Variants in CHRM3 observed in about 807,000 individuals in gnomAD.
The protein encoded by CHRM3 is cholinergic receptor muscarinic 3.
In CHRM3, 11 loss-of-function variants were observed where a neutral mutation model predicts 41.8. The ratio of observed to expected loss-of-function variants is 0.26; its 90% CI spans 0.17 to 0.44. CHRM3 has a LOEUF of 0.44. Among genes scored for constraint, CHRM3 ranks in the 20% least tolerant of loss-of-function variants. The probability of loss-of-function intolerance (pLI) is 1.00; values close to 1 mark genes in which losing one functional copy is unlikely to be tolerated. For missense variants in CHRM3, 571 were observed against 745.4 expected (o/e 0.77, Z 2.72); for synonymous variants, 297 against 301.4 (o/e 0.99, Z 0.15).
intron 5 of CHRM3, among the ~76,000 whole-genome samples, chr1:239,692,167 C>A (rs74150633): frequency 0.063 from 9,547 of 152,160 alleles, 1,012 homozygotes; most frequent in African/African-American, 0.22. Context: ...CTGGGAGATA[C>A]ATTTAGGCAT....
chr1:239,726,618 A>G (rs1048210421), intron 5 of CHRM3, among the ~76,000 whole-genome samples: 10 of 151,946 alleles, frequency 6.6e-5, no homozygotes, highest in African/African-American at 2.4e-4. Context: ...ATTCTCTATA[A>G]GATGCATGGT....
chr1:239,514,551 C>A (rs1669137097), intron 2 of CHRM3, among the ~76,000 whole-genome samples: 1 of 150,356 alleles, frequency 6.7e-6, no homozygotes, highest in South Asian at 2.1e-4. Flanking sequence ...GAAAGTCATG[C>A]CATCTACACA....
chr1:239,601,410 A>G (rs1409581274), intron 3 of CHRM3, among the ~76,000 whole-genome samples: 10 of 152,222 alleles, frequency 6.6e-5, no homozygotes, highest in African/African-American at 1.9e-4. Flanking sequence ...GGAAATGTCA[A>G]TATGCATGAA....
At chr1:239,756,268 A>G (rs386425586) in intron 5 of CHRM3, among the ~76,000 whole-genome samples, 306 of 152,340 alleles carry the variant, frequency 2.0e-3, no homozygotes, top group Non-Finnish European at 3.9e-3. Flanking sequence ...AACACTCATT[A>G]CAGTGATGAA....
At chr1:239,534,355 A>C (rs1464416191) in intron 2 of CHRM3, among the ~76,000 whole-genome samples, 1 of 152,194 alleles carries the variant, frequency 6.6e-6, no homozygotes, top group Non-Finnish European at 1.5e-5. Flanking sequence ...GAACGTGCAT[A>C]CTGATTTGCA....
rs1669626630 is a variant in CHRM3 at position 239,630,010 on chromosome 1, A to G, written c.-312-2214A>G. ...ATGTTACATGCAATTAATTTTCAAT[A>G]GAATGAATCTGCAGCTAGGATGAAA... On this transcript the variant is annotated intron_variant, in intron 3 of 6. Transcript: ENST00000676153. 3.3e-5 allele frequency among the ~76,000 whole-genome samples: 5 copies of G among 152,208 alleles called. No individual in the cohort carries two copies. In the South Asian group the frequency reaches 1.0e-3, roughly 31 times the overall value.
intron 5 of CHRM3, among the ~76,000 whole-genome samples, chr1:239,797,142 C>G (rs753118096): frequency 2.6e-4 from 39 of 152,070 alleles, no homozygotes; most frequent in Non-Finnish European, 5.1e-4. Context: ...TAAGTGGGAG[C>G]TAAACATTGT....
At chr1:239,901,398 C>A (rs1679554403) in intron 6 of CHRM3, among the ~76,000 whole-genome samples, 1 of 151,940 alleles carries the variant, frequency 6.6e-6, no homozygotes. Flanking sequence ...CCATCACCCT[C>A]AATCCTAATT....
intron 1 of CHRM3, among the ~76,000 whole-genome samples, chr1:239,418,031 A>G (rs1471446636): frequency 1.3e-5 from 2 of 152,190 alleles, no homozygotes; most frequent in Non-Finnish European, 2.9e-5. Context: ...TTTTAACTCC[A>G]TGTTTCGTAA....
At chr1:239,521,744 G>T (rs577311558) in intron 2 of CHRM3, among the ~76,000 whole-genome samples, 19 of 151,974 alleles carry the variant, frequency 1.3e-4, no homozygotes, top group Admixed American at 1.1e-3. Context: ...CTCAGATTTA[G>T]TATACTAAAA....
chr1:239,503,968 A>C (rs1208546513), intron 2 of CHRM3, among the ~76,000 whole-genome samples: 2 of 152,214 alleles, frequency 1.3e-5, no homozygotes, highest in African/African-American at 2.4e-5. Flanking sequence ...AAGTTCTAGA[A>C]GATAACATTA....
intron 3 of CHRM3, among the ~76,000 whole-genome samples, chr1:239,580,258 TCACACACACACACA>T (rs374479816): frequency 2.7e-3 from 356 of 132,776 alleles, no homozygotes; most frequent in Admixed American, 4.0e-3. Flanking sequence ...ATACACACTG[TCACACACACACACA>T]CACACACACA....
At chr1:239,859,428 T>G (rs12044830) in intron 6 of CHRM3, among the ~76,000 whole-genome samples, 2,214 of 147,648 alleles carry the variant, frequency 0.015, 32 homozygotes, top group African/African-American at 0.033. Context: ...TGTTTTTTTT[T>G]TTTGTTTTTT....
At chr1:239,578,283 C>A (rs73120656) in intron 3 of CHRM3, among the ~76,000 whole-genome samples, 1,747 of 152,192 alleles carry the variant, frequency 0.011, 48 homozygotes, top group East Asian at 0.11. Context: ...GTTCAAGAAA[C>A]CTTTGGCACA....
intron 4 of CHRM3, among the ~76,000 whole-genome samples, chr1:239,639,960 T>C (rs79519830): frequency 6.6e-6 from 1 of 150,606 alleles, no homozygotes; most frequent in Non-Finnish European, 1.5e-5. Flanking sequence ...TTTATTGAGA[T>C]TTTGTAGCAT....
At chr1:239,812,478 C>G (rs913264989) in intron 5 of CHRM3, among the ~76,000 whole-genome samples, 13 of 151,984 alleles carry the variant, frequency 8.6e-5, no homozygotes, top group Admixed American at 4.6e-4. Context: ...CAAGGTGTTA[C>G]GTAAAATGAG....
intron 6 of CHRM3, among the ~76,000 whole-genome samples, chr1:239,902,487 C>A (rs1208188591): frequency 6.6e-6 from 1 of 152,174 alleles, no homozygotes; most frequent in African/African-American, 2.4e-5. Context: ...ACGATGAGAA[C>A]ATCATCTTTA....
chr1:239,720,895 A>C (rs995955975), intron 5 of CHRM3, among the ~76,000 whole-genome samples: 1 of 151,926 alleles, frequency 6.6e-6, no homozygotes, highest in Non-Finnish European at 1.5e-5. Flanking sequence ...AACTCAGGCA[A>C]GGAAATATTT....
In CHRM3 at chr1:239,471,162, C is replaced by G. The variant is rs1666093499; in HGVS notation, c.-520-21547C>G. On this transcript the variant is annotated intron_variant, in intron 1 of 6. Coordinates refer to ENST00000676153, the MANE Select transcript of CHRM3 (RefSeq NM_001375978.1). ...CTGTGTTAATTGAGATAATGAATCACTAATTTTCTTTTGAAGAATTTCAAA... is the reference window on the plus strand; with the variant it reads ...CTGTGTTAATTGAGATAATGAATCAGTAATTTTCTTTTGAAGAATTTCAAA... Among the ~76,000 whole-genome samples, 3 of 152,106 alleles carry G rather than the reference C, an allele frequency of 2.0e-5. No homozygotes were observed. In the South Asian group the frequency reaches 6.2e-4, roughly 32 times the overall value.
Sources: allele counts gnomAD v4.1 joint callset (sites outside exome capture counted in the v4.1 genomes callset), GRCh38; gene constraint gnomAD v4.1.1; transcripts MANE v1.5; gene names NCBI Gene and HGNC (gene_info 2026-07-23, HGNC 2026-07-21).